Variants in ARL5C observed in about 807,000 individuals in gnomAD.
ARL5C encodes the protein ARF like GTPase 5C.
In ARL5C, 21 loss-of-function variants were observed where a neutral mutation model predicts 20.8. The ratio of observed to expected loss-of-function variants is 1.01; its 90% CI spans 0.72 to 1.46. The LOEUF is 1.46. ARL5C is among the 40% of genes most tolerant of loss of function. The probability of loss-of-function intolerance (pLI) is 0.00; values close to 1 mark genes in which losing one functional copy is unlikely to be tolerated. For synonymous variants in ARL5C, 71 were observed against 81.6 expected (o/e 0.87, Z 0.70); for missense variants, 199 against 225.1 (o/e 0.88, Z 0.74).
At chr17:39,161,187 G>C in intron 4 of ARL5C, 81 bp downstream of exon 4, 1 of 1,333,874 alleles carries the variant, frequency 7.5e-7, no homozygotes, top group African/African-American at 1.5e-5. Flanking sequence ...CAGCAGGAAC[G>C]AATCTCAGAG....
chr17:39,156,789 G>A, downstream of ARL5C: 1 of 1,336,998 alleles, frequency 7.5e-7, no homozygotes, highest in South Asian at 1.3e-5. Context: ...AGCAGCCACT[G>A]CTCCCACTAG....
At chr17:39,158,640 G>A (rs1597667367) in intron 5 of ARL5C, among the ~76,000 whole-genome samples, 1 of 151,362 alleles carries the variant, frequency 6.6e-6, no homozygotes, top group South Asian at 2.1e-4. Flanking sequence ...AGATACCTGT[G>A]TGCCCAGCCT....
chr17:39,160,463 A>C, intron 5 of ARL5C, 128 bp downstream of exon 5: 1 of 1,190,406 alleles, frequency 8.4e-7, no homozygotes, highest in South Asian at 1.5e-5. Flanking sequence ...GGAGATGCCA[A>C]ATTGGCTTGG....
At chr17:39,164,901 T>A (rs1245286675) in intron 2 of ARL5C, 178 bp downstream of exon 2, 10 of 620,586 alleles carry the variant, frequency 1.6e-5, no homozygotes, top group Non-Finnish European at 2.8e-6. Context: ...CGGTGCAGGA[T>A]TTGAATGCCA....
chr17:39,164,383 GC>G (rs1260761137), intron 2 of ARL5C: 3 of 152,222 alleles, frequency 2.0e-5, no homozygotes, highest in Admixed American at 6.5e-5. Flanking sequence ...ATATACACAT[GC>G]TTTTATATGT....
In ARL5C at chr17:39,165,868, C is replaced by T; in HGVS notation, c.-108G>A. 2 of 1,382,426 alleles carry T rather than the reference C, an allele frequency of 1.4e-6. No homozygotes were observed. The highest frequency in any genetic ancestry group is 2.0e-6 in the Non-Finnish European group (2 of 1,004,094). 85.6% of individuals were successfully genotyped at this position (1,382,426 alleles called of 1,614,324 possible). A position where few individuals can be genotyped will look rare whatever the true frequency, so the allele number is the denominator to read the frequency against. Reference sequence around the variant, plus strand: ...CCCGGGAGGGTCTGGCAGATTTTGCCTACGAAGTTAGGGAAGCCCCACACG... The same window carrying T: ...CCCGGGAGGGTCTGGCAGATTTTGCTTACGAAGTTAGGGAAGCCCCACACG... On this transcript the variant is annotated 5_prime_UTR_variant, in exon 1 of 6. Coordinates refer to ENST00000269586, the MANE Select transcript of ARL5C (RefSeq NM_001143968.1).
chr17:39,162,781 A>G lies in ARL5C; in HGVS notation c.185T>C (p.Phe62Ser). The change falls in exon 3 of 6, where the codon TTC (phenylalanine) becomes TCC (serine). Residue 62 changes from phenylalanine to serine, a missense_variant. By Grantham distance (155) the Phe-to-Ser change is radical (BLOSUM62 -2). Transcript: ENST00000269586. ...VEEIILPKTH[F>S]FMWDIVRPEA... ...AGGTCTCACTATGTCCCACATGAAGAAGTGGGTCTTCGGCAGAATGATCTC... is the reference window on the plus strand; with the variant it reads ...AGGTCTCACTATGTCCCACATGAAGGAGTGGGTCTTCGGCAGAATGATCTC... 6.4e-7 allele frequency: 1 copy of G among 1,551,520 alleles called. No homozygotes were observed. The highest frequency in any genetic ancestry group is 8.7e-7 in the Non-Finnish European group (1 of 1,146,838).
At chr17:39,157,864 C>T (rs1256540986) in intron 5 of ARL5C, among the ~76,000 whole-genome samples, 37 of 150,860 alleles carry the variant, frequency 2.5e-4, no homozygotes, top group African/African-American at 8.6e-4. Context: ...GAGGCCGAGG[C>T]GGGCGGATCA....
At position 39,162,816 on chromosome 17, in the gene ARL5C, G is replaced by A; in HGVS notation, c.150C>T (p.Ser50=). The A allele has an allele frequency of 6.4e-7, 1 of 1,551,322 alleles. No individual in the cohort carries two copies. Among genetic ancestry groups the A allele is most frequent in the South Asian group, 1.2e-5 (1 of 84,018 alleles). The change falls in exon 3 of 6, where the codon AGC becomes AGT. Residue 50 remains serine, a synonymous_variant. Transcript: ENST00000269586. ...TCGGCAGAATGATCTCCTCCACGTT[G>A]CTGCCAATGGTGGGACACATATGGA... ...EVVHMCPTIG[S]NVEEIILPKT...
intron 5 of ARL5C, chr17:39,160,099 G>A (rs75433403): frequency 1.8e-3 from 273 of 155,130 alleles, no homozygotes; most frequent in African/African-American, 6.3e-3. Context: ...TTGGAAGGCC[G>A]AGGCCGGTGG....
At chr17:39,157,776 G>A (rs1439594359) in intron 5 of ARL5C, among the ~76,000 whole-genome samples, 8 of 140,278 alleles carry the variant, frequency 5.7e-5, no homozygotes, top group Middle Eastern at 4.0e-3. Context: ...GGCAACAAGA[G>A]TGAAACTCCA....
At position 39,165,829 on chromosome 17, in the gene ARL5C, C is replaced by T. The variant is rs529318420; in HGVS notation, c.-69G>A. On this transcript the variant is annotated 5_prime_UTR_variant, in exon 1 of 6. Transcript: ENST00000269586. ...CAGGAGCGGAGTCGGCCCTGGTATT[C>T]GGAGCTCCGCTCCCCCGGGAGGGTC... 258 of 1,522,684 alleles carry T rather than the reference C, an allele frequency of 1.7e-4. No individual in the cohort carries two copies. The African/African-American group carries it at 3.0e-3, about 17-fold the overall frequency. The allele number at this position is 1,522,684 out of a possible 1,614,324, so 94.3% of individuals were successfully genotyped here. A position where few individuals can be genotyped will look rare whatever the true frequency, so the allele number is the denominator to read the frequency against.
At chr17:39,163,040 T>C (rs658589) in intron 2 of ARL5C, among the ~76,000 whole-genome samples, 182 bp from the exon 3 acceptor site, 46,727 of 152,144 alleles carry the variant, frequency 0.31, 9,130 homozygotes, top group African/African-American at 0.56. Flanking sequence ...GGAGTGAGAC[T>C]AAGCCCTGCC....
At position 39,161,850 on chromosome 17, in the gene ARL5C, C is replaced by T. The variant is rs1448804428; in HGVS notation, c.256-499G>A. 3.3e-5 allele frequency among the ~76,000 whole-genome samples: 5 copies of T among 152,302 alleles called. No homozygotes were observed. The East Asian group carries it at 7.7e-4, about 23-fold the overall frequency. On this transcript the variant is annotated intron_variant, in intron 3 of 5. Coordinates refer to ENST00000269586, the MANE Select transcript of ARL5C (RefSeq NM_001143968.1). ...CTTTTCTATCCAGACATGGGAATAG[C>T]ACACCTCTGACTGTGTGGCAGAGGC...
chr17:39,158,661 C>T (rs1005574927), intron 5 of ARL5C, among the ~76,000 whole-genome samples: 1 of 151,576 alleles, frequency 6.6e-6, no homozygotes, highest in East Asian at 1.9e-4. Context: ...GCCATGATTC[C>T]ACTTGACAGG....
intron 2 of ARL5C, among the ~76,000 whole-genome samples, chr17:39,163,348 T>TTCTTTCTTTCTTTCTC (rs2045444730): frequency 1.1e-5 from 1 of 93,596 alleles, no homozygotes; most frequent in Non-Finnish European, 1.9e-5. Flanking sequence ...GCTTTTGCCT[T>TTCTTTCTTTCTTTCTC]TCTTTCTTTC....
intron 3 of ARL5C, among the ~76,000 whole-genome samples, chr17:39,162,152 C>T (rs780364084): frequency 5.3e-5 from 8 of 152,296 alleles, no homozygotes; most frequent in East Asian, 3.9e-4. Flanking sequence ...GTGCATCAAA[C>T]AGAAAGCTGC....
rs114056141 is a variant in ARL5C at position 39,159,234 on chromosome 17, C to T, written c.491+1357G>A. On this transcript the variant is annotated intron_variant, in intron 5 of 5. Transcript: ENST00000269586. ...TTTTTTTTTTGTAAAGACAGAGTCT[C>T]GCTCTGTTGCCAAGGCTTTTCTCAA... Among the ~76,000 whole-genome samples the T allele has an allele frequency of 6.2e-3, 832 of 134,676 alleles. 12 individuals are homozygous for T. The highest frequency in any genetic ancestry group is 0.022 in the African/African-American group (788 of 35,518). The allele number at this position is 134,676 out of a possible 152,430, so 88.4% of individuals were successfully genotyped here. A position where few individuals can be genotyped will look rare whatever the true frequency, so the allele number is the denominator to read the frequency against.
At chr17:39,162,060 G>A (rs547702007) in intron 3 of ARL5C, among the ~76,000 whole-genome samples, 8 of 152,100 alleles carry the variant, frequency 5.3e-5, no homozygotes, top group Admixed American at 2.0e-4. Context: ...GCTCTGTCTC[G>A]GTCCAGGAAT....
Sources: allele counts gnomAD v4.1 joint callset (sites outside exome capture counted in the v4.1 genomes callset), GRCh38; gene constraint gnomAD v4.1.1; transcripts MANE v1.5; gene names NCBI Gene and HGNC (gene_info 2026-07-23, HGNC 2026-07-21).